The following RUNX1T1 variants were observed in gnomAD, a reference collection of about 807,000 sequenced individuals.
RUNX1T1 encodes the protein RUNX1 partner transcriptional co-repressor 1, also known as protein CBFA2T1.
A neutral mutation model predicts 62.8 loss-of-function variants in RUNX1T1; 4 were observed. The ratio of observed to expected loss-of-function variants is 0.06; its 90% CI spans 0.03 to 0.15. The LOEUF (loss-of-function observed/expected upper bound fraction) is 0.15. Among genes scored for constraint, RUNX1T1 ranks in the 10% least tolerant of loss-of-function variants. RUNX1T1 has a pLI of 1.00. For synonymous variants in RUNX1T1, 291 were observed against 286.0 expected (o/e 1.02, Z -0.18); for missense variants, 508 against 754.3 (o/e 0.67, Z 3.82).
intron 1 of RUNX1T1, among the ~76,000 whole-genome samples, chr8:92,060,451 G>A (rs914160817): frequency 3.4e-5 from 5 of 147,428 alleles, no homozygotes; most frequent in Admixed American, 6.8e-5. Flanking sequence ...TATAAAAAAA[G>A]GCCCTAGATA....
In RUNX1T1 at chr8:92,055,110, T is replaced by C. The variant is rs140764713; in HGVS notation, c.7+7436A>G. On this transcript the variant is annotated intron_variant, in intron 1 of 10. Transcript: ENST00000396218. The stretch of plus-strand genomic sequence containing the variant: ...TTTAAACAGTGAATGAAAGTAACTA[T>C]GGCTTAAAGAGATAATCTTGCTCTT... 8.8e-3 allele frequency among the ~76,000 whole-genome samples: 1,335 copies of C among 152,344 alleles called. 24 individuals are homozygous for C. The highest frequency in any genetic ancestry group is 0.03 in the African/African-American group (1,254 of 41,572).
chr8:92,013,019 T>C (rs778931567), intron 3 of RUNX1T1, among the ~76,000 whole-genome samples: 2 of 152,092 alleles, frequency 1.3e-5, no homozygotes, highest in South Asian at 4.1e-4. Flanking sequence ...TTTTCAATTA[T>C]GGAACCACTG....
intron 1 of RUNX1T1, among the ~76,000 whole-genome samples, chr8:92,094,507 G>A (rs1837500095): frequency 1.3e-5 from 2 of 151,868 alleles, no homozygotes; most frequent in Admixed American, 6.6e-5. Flanking sequence ...TCTCCTCTAG[G>A]CTGAGTTGAG....
chr8:91,977,613 T>C (rs1814253464), intron 8 of RUNX1T1, among the ~76,000 whole-genome samples: 2 of 152,158 alleles, frequency 1.3e-5, no homozygotes, highest in African/African-American at 4.8e-5. Flanking sequence ...GATTTACTTA[T>C]GACATTAAAA....
intron 1 of RUNX1T1, among the ~76,000 whole-genome samples, chr8:92,031,091 A>T (rs1826131137): frequency 6.6e-6 from 1 of 152,310 alleles, no homozygotes. Context: ...ACCAAGCCAA[A>T]ATACCACAAT....
At chr8:92,019,147 A>G (rs1029294035) in intron 1 of RUNX1T1, 1 of 152,218 alleles carries the variant, frequency 6.6e-6, no homozygotes, top group Non-Finnish European at 1.5e-5. Flanking sequence ...CCTCAGCAAC[A>G]AGGGAATAAA....
intron 7 of RUNX1T1, 58 bp downstream of exon 8, chr8:91,986,829 C>T: frequency 1.8e-6 from 2 of 1,082,518 alleles, no homozygotes; most frequent in Non-Finnish European, 2.9e-6. Flanking sequence ...TATCACATAA[C>T]CTCACTCCAG....
At chr8:91,960,306 G>C (rs1303942191) in exon 11 of RUNX1T1, 3 of 1,610,978 alleles carry the variant, frequency 1.9e-6, no homozygotes, top group Non-Finnish European at 2.5e-6. Context: ...AGTGGCTGCT[G>C]GTGGTGTGTC....
At chr8:92,057,627 T>A (rs1831250910) in intron 1 of RUNX1T1, among the ~76,000 whole-genome samples, 1 of 152,210 alleles carries the variant, frequency 6.6e-6, no homozygotes. Context: ...TTCCTTTGAT[T>A]GGAACTCTAT....
At chr8:91,998,201 C>T (rs1043314538) in intron 5 of RUNX1T1, among the ~76,000 whole-genome samples, 7 of 152,150 alleles carry the variant, frequency 4.6e-5, no homozygotes, top group African/African-American at 9.7e-5. Context: ...ATGAATTTCA[C>T]GTAACACACT....
intron 10 of RUNX1T1, among the ~76,000 whole-genome samples, chr8:91,961,677 AG>A (rs1464959875): frequency 2.6e-5 from 4 of 152,184 alleles, no homozygotes; most frequent in Non-Finnish European, 5.9e-5. Flanking sequence ...TGTGGTGGGG[AG>A]GGGGACCTCA....
chr8:92,023,368 C>T (rs1469780811), intron 1 of RUNX1T1, among the ~76,000 whole-genome samples: 3 of 151,996 alleles, frequency 2.0e-5, no homozygotes, highest in Non-Finnish European at 4.4e-5. Flanking sequence ...AGATGACCAC[C>T]CTGAAAACAT....
At chr8:92,090,930 G>A (rs1224902902) in intron 1 of RUNX1T1, among the ~76,000 whole-genome samples, 1 of 152,166 alleles carries the variant, frequency 6.6e-6, no homozygotes, top group East Asian at 1.9e-4. Context: ...GTATGTGAAG[G>A]TTGGTGAAGG....
In RUNX1T1 at chr8:91,970,963, C is replaced by T; in HGVS notation, c.1268-115G>A. 8.6e-6 allele frequency: 7 copies of T among 811,258 alleles called. No individual in the cohort carries two copies. The South Asian group carries it at 9.8e-5, about 11-fold the overall frequency. 50.3% of individuals were successfully genotyped at this position (811,258 alleles called of 1,614,324 possible). ...TTTTCTTTCCGAGGCTGGTCTCGAA[C>T]CCCTGGGCTCAAGTTATCCTCTGCA... On this transcript the variant is annotated intron_variant, in intron 9 of 10. Coordinates refer to ENST00000396218, the Ensembl canonical transcript of RUNX1T1.
intron 1 of RUNX1T1, among the ~76,000 whole-genome samples, chr8:92,087,836 G>C (rs1211833792): frequency 1.3e-5 from 2 of 152,172 alleles, no homozygotes; most frequent in Non-Finnish European, 2.9e-5. Flanking sequence ...TTAATGGGTT[G>C]TTCACATTTT....
chr8:92,047,312 G>A (rs1434087744), intron 1 of RUNX1T1, among the ~76,000 whole-genome samples: 1 of 151,832 alleles, frequency 6.6e-6, no homozygotes, highest in Admixed American at 6.6e-5. Context: ...TCAAATCTCT[G>A]CTCAAAAGTC....
exon 11 of RUNX1T1, chr8:91,960,372 T>TCTC: frequency 6.2e-7 from 1 of 1,614,112 alleles, no homozygotes; most frequent in Non-Finnish European, 8.5e-7. Context: ...TGCAGGTGTG[T>TCTC]CTCCCTGCTG....
intron 1 of RUNX1T1, chr8:92,095,693 A>T: frequency 2.3e-5 from 9 of 398,894 alleles, no homozygotes; most frequent in African/African-American, 2.9e-5. Context: ...GGGATGGAGG[A>T]GGGGGCGGGG....
chr8:92,066,343 C>T (rs1485348255), upstream of RUNX1T1, among the ~76,000 whole-genome samples: 1 of 152,226 alleles, frequency 6.6e-6, no homozygotes, highest in Non-Finnish European at 1.5e-5. Flanking sequence ...GACCACTGGC[C>T]ACCAAATGAG....
Sources: allele counts gnomAD v4.1 joint callset (sites outside exome capture counted in the v4.1 genomes callset), GRCh38; gene constraint gnomAD v4.1.1; transcripts MANE v1.5; gene names NCBI Gene and HGNC (gene_info 2026-07-23, HGNC 2026-07-21).